The following BSN variants were observed in gnomAD, a reference collection of about 807,000 sequenced individuals.
BSN encodes protein bassoon.
Under a neutral mutation model 264.8 loss-of-function variants are expected in BSN, and 57 were observed. The ratio of observed to expected loss-of-function variants is 0.22; its 90% CI spans 0.17 to 0.27. The LOEUF (loss-of-function observed/expected upper bound fraction) is 0.27, where lower values mean the gene tolerates loss of function less well. Among genes scored for constraint, BSN ranks in the 10% least tolerant of loss-of-function variants. The pLI, the probability that BSN is intolerant of heterozygous loss-of-function variation, is 1.00. For missense variants in BSN, 4,615 were observed against 5,232.5 expected (o/e 0.88, Z 3.64); for synonymous variants, 2,059 against 2,137.3 (o/e 0.96, Z 1.01).
chr3:49,651,397 A>G lies in BSN; in HGVS notation c.1987-146A>G. 2 of 889,176 alleles carry G rather than the reference A, an allele frequency of 2.2e-6. No individual in the cohort carries two copies. Among genetic ancestry groups the G allele is most frequent in the Non-Finnish European group, 3.4e-6 (2 of 594,850 alleles). 55.1% of individuals were successfully genotyped at this position (889,176 alleles called of 1,614,324 possible). A position where few individuals can be genotyped will look rare whatever the true frequency, so the allele number is the denominator to read the frequency against. ...TGGAACCTTCAGGTTATTCAAGGCC[A>G]GAAGGAGATAGGGTGGGTGGCGGGC... On this transcript the variant is annotated intron_variant, in intron 4 of 11. Coordinates refer to ENST00000296452, the MANE Select transcript of BSN (RefSeq NM_003458.4). The surrounding 1 kb of genome is among the most constrained non-coding windows in gnomAD (Gnocchi z 5.4).
chr3:49,665,702 A>G (rs1024523693), intron 11 of BSN, among the ~76,000 whole-genome samples: 1 of 152,238 alleles, frequency 6.6e-6, no homozygotes, highest in African/African-American at 2.4e-5. Flanking sequence ...AAGAGATTAG[A>G]GTCCCCAAAC....
intron 1 of BSN, among the ~76,000 whole-genome samples, chr3:49,579,652 A>G (rs1317849194): frequency 1.3e-5 from 2 of 150,450 alleles, no homozygotes; most frequent in Non-Finnish European, 3.0e-5. Flanking sequence ...CGAACTCCTG[A>G]CCTCATGATC....
intron 1 of BSN, among the ~76,000 whole-genome samples, chr3:49,561,430 C>G (rs994186968): frequency 3.3e-5 from 5 of 152,116 alleles, no homozygotes; most frequent in Non-Finnish European, 7.4e-5. Flanking sequence ...GCTGGAAGAA[C>G]CATTAAGGCA....
intron 3 of BSN, among the ~76,000 whole-genome samples, chr3:49,644,931 G>A (rs1008732490): frequency 3.3e-5 from 5 of 152,204 alleles, no homozygotes; most frequent in East Asian, 1.9e-4. Context: ...GAAGAGTTTC[G>A]TTCACACGCT....
In BSN at chr3:49,612,256, C is replaced by G. The variant is rs150052359; in HGVS notation, c.225-12719C>G. On this transcript the variant is annotated intron_variant, in intron 1 of 11. Transcript: ENST00000296452. The stretch of plus-strand genomic sequence containing the variant: ...GTTCACGCCGTCCTCCTTCCCCAGC[C>G]TCCCAAGTAGCTGGGATTACAGGCG... Among the ~76,000 whole-genome samples the G allele has an allele frequency of 1.2e-4, 18 of 152,314 alleles. No individual in the cohort carries two copies. In the East Asian group the frequency reaches 3.5e-3, roughly 29 times the overall value.
At chr3:49,647,164 A>G (rs889268801) in intron 3 of BSN, among the ~76,000 whole-genome samples, 4 of 152,232 alleles carry the variant, frequency 2.6e-5, no homozygotes, top group Non-Finnish European at 5.9e-5. Context: ...CGTGGAATGT[A>G]GGTTCATTCA....
intron 1 of BSN, among the ~76,000 whole-genome samples, chr3:49,578,142 C>A (rs996870390): frequency 6.6e-6 from 1 of 152,130 alleles, no homozygotes; most frequent in Non-Finnish European, 1.5e-5. Context: ...ACGAATATTG[C>A]ATATTTGGGG....
rs779424926 is a variant in BSN at position 49,652,315 on chromosome 3, G to A, written c.2759G>A (p.Gly920Asp). 3.1e-6 allele frequency: 5 copies of A among 1,597,534 alleles called. No individual in the cohort carries two copies. Among genetic ancestry groups the A allele is most frequent in the Non-Finnish European group, 8.5e-7 (1 of 1,171,314 alleles). ...GGAGGCTCAGCAGAGGCTACCGATGGCAGTGGGACCCTGCAGGGTGGGCTC... is the reference window on the plus strand; with the variant it reads ...GGAGGCTCAGCAGAGGCTACCGATGACAGTGGGACCCTGCAGGGTGGGCTC... ...PEGGSAEATDGSGTLQGGLRR... is the reference protein window; with the variant it reads ...PEGGSAEATDDSGTLQGGLRR... Residue 920 changes from glycine to aspartate, a missense_variant, in exon 5 of 12, where the codon GGC becomes GAC. By Grantham distance (94) the Gly-to-Asp change is moderately conservative. Coordinates refer to ENST00000296452, the MANE Select transcript of BSN (RefSeq NM_003458.4).
In BSN at chr3:49,554,841, C is replaced by A; in HGVS notation, c.224+15C>A. 2 of 1,207,908 alleles carry A rather than the reference C, an allele frequency of 1.7e-6. No homozygotes were observed. Among genetic ancestry groups the A allele is most frequent in the South Asian group, 4.1e-5 (1 of 24,134 alleles). The allele number at this position is 1,207,908 out of a possible 1,614,324, so 74.8% of individuals were successfully genotyped here. The stretch of plus-strand genomic sequence containing the variant: ...GGCCCGGGCAGGTAAGCGCGTGTCT[C>A]GGCGCCCGGGGGGCGGTGAGCTGCA... On this transcript the variant is annotated intron_variant, in intron 1 of 11. Coordinates refer to ENST00000296452, the MANE Select transcript of BSN (RefSeq NM_003458.4).
In BSN at chr3:49,655,081, A is replaced by C; in HGVS notation, c.5525A>C (p.His1842Pro). The C allele has an allele frequency of 6.2e-7, 1 of 1,612,884 alleles. No homozygotes were observed. The highest frequency in any genetic ancestry group is 1.7e-5 in the Admixed American group (1 of 60,010). The change falls in exon 5 of 12, where the codon CAC (histidine) becomes CCC (proline). Residue 1842 changes from histidine to proline, a missense_variant. By Grantham distance (77) the His-to-Pro change is moderately conservative. Coordinates refer to ENST00000296452, the MANE Select transcript of BSN (RefSeq NM_003458.4). ...GPVPEPGAEP[H>P]RATPAELRSH... ...GTGCCAGAGCCAGGTGCCGAGCCCC[A>C]CCGGGCCACCCCTGCAGAGCTGCGG...
chr3:49,618,614 C>T (rs1478694471), intron 1 of BSN, among the ~76,000 whole-genome samples: 1 of 152,262 alleles, frequency 6.6e-6, no homozygotes, highest in African/African-American at 2.4e-5. Context: ...GCACCAATGA[C>T]TTACGTCTTC....
intron 1 of BSN, among the ~76,000 whole-genome samples, chr3:49,608,373 G>T (rs1056338405): frequency 1.3e-5 from 2 of 152,206 alleles, no homozygotes; most frequent in Admixed American, 6.5e-5. Flanking sequence ...AATGTCAAAG[G>T]CTGGAAAGTG....
At chr3:49,584,716 G>A (rs139928512) in intron 1 of BSN, among the ~76,000 whole-genome samples, 2,263 of 152,116 alleles carry the variant, frequency 0.015, 41 homozygotes, top group Non-Finnish European at 0.016. Context: ...TCAAATAGTA[G>A]GTCTTATTCA....
intron 2 of BSN, among the ~76,000 whole-genome samples, chr3:49,636,238 A>C (rs1276754368): frequency 6.6e-6 from 1 of 152,182 alleles, no homozygotes; most frequent in Non-Finnish European, 1.5e-5. Flanking sequence ...AAGGACTTGC[A>C]GGCCAGGATA....
At chr3:49,589,951 C>T (rs1283647484) in intron 1 of BSN, among the ~76,000 whole-genome samples, 2 of 151,814 alleles carry the variant, frequency 1.3e-5, no homozygotes, top group Non-Finnish European at 2.9e-5. Context: ...GATTCTCCTG[C>T]CTCAGCCTCC....
In BSN at chr3:49,660,686, C is replaced by T. The variant is rs1351541246; in HGVS notation, c.8841C>T (p.Asp2947=). The T allele has an allele frequency of 6.2e-7, 1 of 1,613,346 alleles. No homozygotes were observed. Among genetic ancestry groups the T allele is most frequent in the South Asian group, 1.1e-5 (1 of 91,074 alleles). ...KASLLRELDR[D]LRLVEHESTK... is the part of the protein sequence containing the mutation. ...GCCTGCTCCGGGAGCTGGACCGGGA[C>T]CTGCGGCTGGTGGAGCATGAGTCCA... is the stretch of plus-strand genomic sequence containing the variant. Residue 2947 remains aspartate (D), a synonymous_variant, in exon 6 of 12, where the codon GAC becomes GAT. Coordinates refer to ENST00000296452, the MANE Select transcript of BSN (RefSeq NM_003458.4). This position sits in a 1 kb window ranked among gnomAD's most constrained non-coding sequence, Gnocchi z 7.1.
intron 1 of BSN, among the ~76,000 whole-genome samples, chr3:49,620,696 C>T (rs1446604266): frequency 2.6e-5 from 4 of 151,784 alleles, no homozygotes; most frequent in Non-Finnish European, 5.9e-5. Context: ...GTATTTAAAG[C>T]CTTATTCTGG....
rs2051932059 is a variant in BSN at position 49,585,692 on chromosome 3, T to A, written c.224+30866T>A. On this transcript the variant is annotated intron_variant, in intron 1 of 11. Coordinates refer to ENST00000296452, the MANE Select transcript of BSN (RefSeq NM_003458.4). This position sits in a 1 kb window ranked among gnomAD's most constrained non-coding sequence, Gnocchi z 4.7. ...GAAACCTCCAAACTGTTCTTCATAG[T>A]GGTTGTACTAATTTACATTCCCACT... Among the ~76,000 whole-genome samples, 1 of 152,260 alleles carries A rather than the reference T, an allele frequency of 6.6e-6. No homozygotes were observed. The highest frequency in any genetic ancestry group is 6.5e-5 in the Admixed American group (1 of 15,284).
chr3:49,613,543 G>A (rs2052229572), intron 1 of BSN, among the ~76,000 whole-genome samples: 1 of 151,758 alleles, frequency 6.6e-6, no homozygotes, highest in African/African-American at 2.4e-5. Flanking sequence ...TGCCCAGGCA[G>A]GAGTGGAGTG....
Sources: gnomAD v4.1 joint callset for allele counts (sites outside exome capture counted in the v4.1 genomes callset) on GRCh38, gnomAD v4.1.1 for gene constraint, Gnocchi (gnomAD v3.1) non-coding constraint, MANE v1.5 for transcripts, NCBI Gene and HGNC (gene_info 2026-07-23, HGNC 2026-07-21) for gene names.